BAHCC1: variants seen among roughly 807,000 people sequenced by gnomAD.
BAHCC1 encodes BAH domain and coiled-coil containing 1.
In BAHCC1, 43 loss-of-function variants were observed where a neutral mutation model predicts 88.2. That is an observed-to-expected ratio of 0.49 (90% confidence interval 0.38 to 0.63). The LOEUF (loss-of-function observed/expected upper bound fraction) is 0.63, where lower values mean the gene tolerates loss of function less well. Among genes scored for constraint, BAHCC1 ranks in the 20% least tolerant of loss-of-function variants. BAHCC1 has a pLI of 0.00. For missense variants in BAHCC1, 3,023 were observed against 1,654.8 expected (o/e 1.83, Z -14.34); for synonymous variants, 1,510 against 745.5 (o/e 2.03, Z -16.71).
chr17:81,413,639 G>A (rs1217603690), intron 2 of BAHCC1, among the ~76,000 whole-genome samples: 3 of 152,220 alleles, frequency 2.0e-5, no homozygotes, highest in Non-Finnish European at 4.4e-5. Context: ...CCCCGAAGCA[G>A]CCACAAGGCC....
intron 2 of BAHCC1, among the ~76,000 whole-genome samples, chr17:81,403,857 C>T (rs943525480): frequency 6.6e-6 from 1 of 152,218 alleles, no homozygotes; most frequent in South Asian, 2.1e-4. Flanking sequence ...CCGCCACGCC[C>T]GCCCCGCCGA....
intron 2 of BAHCC1, among the ~76,000 whole-genome samples, chr17:81,418,800 T>TGTGTGTGTGCGCGC (rs2064072641): frequency 6.3e-4 from 43 of 68,020 alleles, no homozygotes; most frequent in African/African-American, 2.3e-3. Context: ...TGTGTGCGTG[T>TGTGTGTGTGCGCGC]GTGTGTGTAC....
In BAHCC1 at chr17:81,459,088, G is replaced by A. The variant is rs782116445; in HGVS notation, c.5640G>A (p.Arg1880=). ...RSCAIHKEDL[R]DGLPVLIPKE... ...GTGCCATCCACAAGGAGGACCTGCG[G>A]GACGGGCTGCCCGTGCTCATCCCCA... The change falls in exon 21 of 28, where the codon CGG becomes CGA. Residue 1880 remains arginine, a synonymous_variant. Coordinates refer to ENST00000675386, the MANE Select transcript of BAHCC1 (RefSeq NM_001377448.1). The A allele has an allele frequency of 2.6e-6, 2 of 770,178 alleles. No homozygotes were observed. Among genetic ancestry groups the A allele is most frequent in the African/African-American group, 1.7e-5 (1 of 59,088 alleles). 47.7% of individuals were successfully genotyped at this position (770,178 alleles called of 1,614,324 possible). A position where few individuals can be genotyped will look rare whatever the true frequency, so the allele number is the denominator to read the frequency against.
intron 2 of BAHCC1, among the ~76,000 whole-genome samples, chr17:81,415,845 T>G (rs1390562712): frequency 6.6e-6 from 1 of 152,246 alleles, no homozygotes; most frequent in Non-Finnish European, 1.5e-5. Flanking sequence ...ACCCCAGCTC[T>G]GGGGGCTGCA....
At chr17:81,424,018 C>T (rs539306945) in intron 2 of BAHCC1, among the ~76,000 whole-genome samples, 1 of 152,348 alleles carries the variant, frequency 6.6e-6, no homozygotes, top group South Asian at 2.1e-4. Context: ...CAGCTCTGTG[C>T]CAGCCCAGTC....
In BAHCC1 at chr17:81,443,335, C is replaced by T. The variant is rs1555653274; in HGVS notation, c.1986C>T (p.Cys662=). ...GCCTGGGTGGCCTCAAGGCCAGCTG[C>T]ATCCAGCAGGAAGCAAAGTTCCTGT... The part of the protein sequence containing the change: ...LVGLGGLKAS[C]IQQEAKFLSS... Residue 662 remains cysteine, a synonymous_variant, in exon 5 of 28, where the codon TGC becomes TGT. Transcript: ENST00000675386. The T allele has an allele frequency of 1.0e-5, 8 of 779,014 alleles. No homozygotes were observed. The South Asian group carries it at 1.1e-4, about 10-fold the overall frequency. 48.3% of individuals were successfully genotyped at this position (779,014 alleles called of 1,614,324 possible). A position where few individuals can be genotyped will look rare whatever the true frequency, so the allele number is the denominator to read the frequency against.
At chr17:81,403,839 G>C (rs1307486941) in intron 2 of BAHCC1, among the ~76,000 whole-genome samples, 4 of 152,120 alleles carry the variant, frequency 2.6e-5, no homozygotes, top group Admixed American at 2.6e-4. Context: ...TGGACCGGCG[G>C]CGGTGGCCCG....
chr17:81,447,958 C>G, intron 11 of BAHCC1, 110 bp downstream of exon 11: 1 of 665,274 alleles, frequency 1.5e-6, no homozygotes, highest in Admixed American at 2.1e-5. Context: ...CAGTTGTCCC[C>G]AAAGTGTGGT....
At chr17:81,436,653 A>C (rs2064341519) in intron 3 of BAHCC1, among the ~76,000 whole-genome samples, 1 of 135,276 alleles carries the variant, frequency 7.4e-6, no homozygotes, top group African/African-American at 2.8e-5. Flanking sequence ...CCAGGATTGG[A>C]GTTTAATCTG....
At chr17:81,397,263 G>A (rs570616492) in intron 1 of BAHCC1, 11 of 152,280 alleles carry the variant, frequency 7.2e-5, no homozygotes, top group Admixed American at 5.9e-4. Context: ...AGGCTGGTGA[G>A]AAAGGAACAA....
rs528239494 is a variant in BAHCC1, at chr17:81,410,185, G to A, written c.178+10268G>A. 102 of 208,730 alleles carry A rather than the reference G, an allele frequency of 4.9e-4. 1 individual carries two copies. Among genetic ancestry groups the A allele is most frequent in the Non-Finnish European group, 8.3e-4 (79 of 95,018 alleles). 12.9% of individuals were successfully genotyped at this position (208,730 alleles called of 1,614,324 possible). A position where few individuals can be genotyped will look rare whatever the true frequency, so the allele number is the denominator to read the frequency against. On this transcript the variant is annotated intron_variant, in intron 2 of 27. Transcript: ENST00000675386. ...CTGTGGGGGTCCTAGGAGCCTGCAC[G>A]AGCTGCCGGAGGCACATGGCCTGTG...
intron 4 of BAHCC1, among the ~76,000 whole-genome samples, chr17:81,439,779 CAGAG>C (rs1456378463): frequency 6.6e-6 from 1 of 152,100 alleles, no homozygotes; most frequent in Non-Finnish European, 1.5e-5. Context: ...CTGAAGGGAA[CAGAG>C]GGAGGGGACC....
intron 4 of BAHCC1, among the ~76,000 whole-genome samples, chr17:81,440,627 C>T (rs952967827): frequency 6.6e-6 from 1 of 152,172 alleles, no homozygotes; most frequent in Admixed American, 6.5e-5. Flanking sequence ...GGCCTGGCCC[C>T]CTCTGTGGGG....
intron 3 of BAHCC1, among the ~76,000 whole-genome samples, chr17:81,438,124 C>T (rs919489451): frequency 6.6e-6 from 1 of 152,238 alleles, no homozygotes; most frequent in Non-Finnish European, 1.5e-5. Flanking sequence ...GAGGCCCCCT[C>T]GTCCGTCCTC....
At position 81,458,611 on chromosome 17, in the gene BAHCC1, C is replaced by T. The variant is rs376696520; in HGVS notation, c.5344-10C>T. ...TTGACTCAGCCCCTTCTCTGCCTGC[C>T]CACGCGCAGCGGAAGAACGGGGCCC... On this transcript the variant is annotated splice_polypyrimidine_tract_variant and intron_variant, in intron 18 of 27. Transcript: ENST00000675386. The T allele has an allele frequency of 6.0e-4, 430 of 715,170 alleles. No individual in the cohort carries two copies. Among genetic ancestry groups the T allele is most frequent in the Non-Finnish European group, 9.4e-4 (363 of 384,286 alleles). 44.3% of individuals were successfully genotyped at this position (715,170 alleles called of 1,614,324 possible). A position where few individuals can be genotyped will look rare whatever the true frequency, so the allele number is the denominator to read the frequency against.
At chr17:81,423,853 G>A (rs1005711084) in intron 2 of BAHCC1, among the ~76,000 whole-genome samples, 1 of 152,342 alleles carries the variant, frequency 6.6e-6, no homozygotes, top group East Asian at 1.9e-4. Context: ...CAGGCGGGCC[G>A]ATGGTCCGGG....
intron 2 of BAHCC1, chr17:81,406,793 A>G: frequency 2.3e-6 from 1 of 432,918 alleles, no homozygotes; most frequent in Non-Finnish European, 4.7e-6. Flanking sequence ...GGCGGCGCCC[A>G]GGTCCTGGTT....
chr17:81,404,062 C>T (rs2143204317), intron 2 of BAHCC1, among the ~76,000 whole-genome samples: 1 of 152,364 alleles, frequency 6.6e-6, no homozygotes, highest in Middle Eastern at 3.4e-3. Flanking sequence ...TCCCCCCAAA[C>T]GTTCCCCGGT....
Position 81,456,407 on chromosome 17 carries a change from C to T in BAHCC1, c.4680C>T (p.Gly1560=), listed in dbSNP as rs1555657289. 4 of 722,544 alleles carry T rather than the reference C, an allele frequency of 5.5e-6. No homozygotes were observed. The highest frequency in any genetic ancestry group is 7.7e-6 in the Non-Finnish European group (3 of 388,134). The allele number at this position is 722,544 out of a possible 1,614,324, so 44.8% of individuals were successfully genotyped here. The change falls in exon 16 of 28, where the codon GGC becomes GGT. Residue 1560 remains glycine, a synonymous_variant. Transcript: ENST00000675386. ...TCAAGAGCAAAGGGCTGCCCACAGG[C>T]CTCAGCTCTTTCCAGCAGAAGGAGG... ...PKVKSKGLPT[G]LSSFQQKEAT...
Sources: allele counts gnomAD v4.1 joint callset (sites outside exome capture counted in the v4.1 genomes callset), GRCh38; gene constraint gnomAD v4.1.1; transcripts MANE v1.5; gene names NCBI Gene and HGNC (gene_info 2026-07-23, HGNC 2026-07-21).